The following ST3GAL3 variants were observed in gnomAD, a reference collection of about 807,000 sequenced individuals.
ST3GAL3 encodes the protein CMP-N-acetylneuraminate-beta-1,4-galactoside alpha-2,3-sialyltransferase.
ST3GAL3 carries 21 observed loss-of-function variants against 50.1 expected under a neutral mutation model. The observed-to-expected ratio is 0.42, with a 90% CI of 0.30 to 0.60. The LOEUF (loss-of-function observed/expected upper bound fraction) is 0.60. Ranked by LOEUF, ST3GAL3 falls within the 20% of genes least tolerant of loss-of-function variation. ST3GAL3 has a pLI of 0.19. For missense variants in ST3GAL3, 353 were observed against 489.4 expected (o/e 0.72, Z 2.63); for synonymous variants, 183 against 190.0 (o/e 0.96, Z 0.30).
intron 2 of ST3GAL3, among the ~76,000 whole-genome samples, chr1:43,780,060 A>T (rs962736836): frequency 1.3e-5 from 2 of 151,982 alleles, no homozygotes; most frequent in African/African-American, 2.4e-5. Flanking sequence ...CCTGGGCCCC[A>T]TATTTTTTTA....
chr1:43,834,497 C>A (rs1373803659), intron 4 of ST3GAL3, among the ~76,000 whole-genome samples: 5 of 152,306 alleles, frequency 3.3e-5, no homozygotes, highest in African/African-American at 1.2e-4. Context: ...AGCATTTAGT[C>A]CTGTGGCCAC....
At chr1:43,866,538 T>G (rs2071365296) in intron 5 of ST3GAL3, among the ~76,000 whole-genome samples, 1 of 151,874 alleles carries the variant, frequency 6.6e-6, no homozygotes, top group Admixed American at 6.6e-5. Flanking sequence ...GAGCCATGAT[T>G]GTGCCACTGC....
intron 11 of ST3GAL3, among the ~76,000 whole-genome samples, chr1:43,929,581 G>A (rs558921580): frequency 1.3e-5 from 2 of 152,122 alleles, no homozygotes; most frequent in Non-Finnish European, 2.9e-5. Context: ...GATTACAGGC[G>A]TGAGCCACCG....
intron 3 of ST3GAL3, among the ~76,000 whole-genome samples, chr1:43,806,095 C>T (rs550825799): frequency 2.0e-5 from 3 of 152,138 alleles, no homozygotes; most frequent in Non-Finnish European, 2.9e-5. Context: ...AGGAATTAAC[C>T]GAATAAAGAG....
intron 9 of ST3GAL3, among the ~76,000 whole-genome samples, chr1:43,910,568 G>T (rs2080629763): frequency 6.6e-6 from 1 of 152,198 alleles, no homozygotes; most frequent in African/African-American, 2.4e-5. Flanking sequence ...AAGAAATATT[G>T]CCTGCCCACT....
intron 5 of ST3GAL3, among the ~76,000 whole-genome samples, chr1:43,843,152 C>T (rs369993159): frequency 1.3e-5 from 2 of 152,210 alleles, no homozygotes; most frequent in South Asian, 4.1e-4. Flanking sequence ...ACAGCCTTGC[C>T]TGTTCCCAGT....
intron 5 of ST3GAL3, 71 bp from the exon 6 acceptor site, chr1:43,894,312 C>T (rs1570848416): frequency 6.1e-6 from 9 of 1,469,482 alleles, no homozygotes; most frequent in Middle Eastern, 1.7e-4. Flanking sequence ...CCAAGACCGA[C>T]GTACGGAAGT....
chr1:43,804,234 CAT>C (rs893089272), intron 3 of ST3GAL3, among the ~76,000 whole-genome samples: 9 of 152,202 alleles, frequency 5.9e-5, no homozygotes, highest in Non-Finnish European at 1.2e-4. Context: ...TCTAAGAACA[CAT>C]TTGTATAAAG....
intron 2 of ST3GAL3, among the ~76,000 whole-genome samples, chr1:43,773,584 A>T (rs552205522): frequency 1.6e-4 from 25 of 152,324 alleles, no homozygotes; most frequent in African/African-American, 6.0e-4. Flanking sequence ...TGATAGACAG[A>T]TAGGTAGATA....
intron 4 of ST3GAL3, among the ~76,000 whole-genome samples, chr1:43,825,065 T>A (rs2062610196): frequency 6.6e-6 from 1 of 152,212 alleles, no homozygotes; most frequent in African/African-American, 2.4e-5. Context: ...ACCCAGAGAT[T>A]CTGATTTAGT....
At chr1:43,783,326 T>C (rs1006665359) in intron 2 of ST3GAL3, among the ~76,000 whole-genome samples, 1 of 152,174 alleles carries the variant, frequency 6.6e-6, no homozygotes, top group Non-Finnish European at 1.5e-5. Context: ...CTGACTTCCC[T>C]TCCATTCCTA....
intron 2 of ST3GAL3, among the ~76,000 whole-genome samples, chr1:43,789,826 A>G (rs140149304): frequency 8.2e-4 from 124 of 152,024 alleles, no homozygotes; most frequent in African/African-American, 2.6e-3. Flanking sequence ...GTGAGCCACA[A>G]TTGCACCACT....
chr1:43,744,529 C>T (rs749136733), intron 2 of ST3GAL3, among the ~76,000 whole-genome samples: 7 of 151,906 alleles, frequency 4.6e-5, no homozygotes, highest in Non-Finnish European at 7.4e-5. Flanking sequence ...GCGTGAGCCA[C>T]CACACCTGGC....
At chr1:43,894,054 C>CAGTG (rs1170938210) in intron 5 of ST3GAL3, 1 of 386,972 alleles carries the variant, frequency 2.6e-6, no homozygotes, top group East Asian at 6.1e-5. Flanking sequence ...GTGTGGGCAG[C>CAGTG]AGTGACTATT....
At chr1:43,915,738 CAGAT>C (rs755038551) in intron 9 of ST3GAL3, among the ~76,000 whole-genome samples, 14 of 152,168 alleles carry the variant, frequency 9.2e-5, no homozygotes, top group Non-Finnish European at 1.8e-4. Flanking sequence ...AAATGAGAGA[CAGAT>C]GGGTTACTGG....
intron 9 of ST3GAL3, among the ~76,000 whole-genome samples, chr1:43,902,517 T>A (rs1025774891): frequency 1.3e-5 from 2 of 152,198 alleles, no homozygotes; most frequent in African/African-American, 4.8e-5. Flanking sequence ...TCATCATTTG[T>A]GGCCATTTGG....
chr1:43,726,808 G>T (rs2154078945), intron 1 of ST3GAL3, among the ~76,000 whole-genome samples: 1 of 152,184 alleles, frequency 6.6e-6, no homozygotes, highest in East Asian at 1.9e-4. Flanking sequence ...TGGCCAGGCT[G>T]GTCTCGAACT....
At chr1:43,824,410 A>G (rs2062511197) in intron 4 of ST3GAL3, among the ~76,000 whole-genome samples, 2 of 152,050 alleles carry the variant, frequency 1.3e-5, no homozygotes, top group South Asian at 4.1e-4. Context: ...TGGGAGGGAT[A>G]CTTTCTCTTG....
At chr1:43,788,474 G>A (rs10890283) in intron 2 of ST3GAL3, among the ~76,000 whole-genome samples, 52,695 of 151,896 alleles carry the variant, frequency 0.35, 10,125 homozygotes, top group East Asian at 0.54. Flanking sequence ...CCTCCTCTGC[G>A]GAGACTCTTT....
Sources: allele counts gnomAD v4.1 joint callset (sites outside exome capture counted in the v4.1 genomes callset), GRCh38; gene constraint gnomAD v4.1.1; transcripts MANE v1.5; gene names NCBI Gene and HGNC (gene_info 2026-07-23, HGNC 2026-07-21).